CCNY: variants seen among roughly 807,000 people sequenced by gnomAD.
The protein encoded by CCNY is cyclin Y, also known as cyclin-Y.
A neutral mutation model predicts 42.8 loss-of-function variants in CCNY; 19 were observed. The observed-to-expected ratio is 0.44, with a 90% CI of 0.31 to 0.65. The LOEUF is 0.65. Among genes scored for constraint, CCNY ranks in the 30% least tolerant of loss-of-function variants. The pLI is 0.07. For missense variants in CCNY, 370 were observed against 437.3 expected (o/e 0.85, Z 1.37); for synonymous variants, 165 against 162.7 (o/e 1.01, Z -0.11).
rs138882694 is a variant in CCNY, at chr10:35,339,691, A to G, written c.154+2484A>G. On this transcript the variant is annotated intron_variant, in intron 1 of 9. Transcript: ENST00000374704. ...AGGTTAGTGTCTTTAAATCACAGAG[A>G]TATGACATATGTATCCATGCTTTCT... is the stretch of plus-strand genomic sequence containing the variant. 2.1e-4 allele frequency among the ~76,000 whole-genome samples: 32 copies of G among 152,298 alleles called. 1 individual carries two copies. The highest frequency in any genetic ancestry group is 7.5e-4 in the African/African-American group (31 of 41,572).
rs1841660903 is a variant in CCNY at position 35,570,235 on chromosome 10, A to G, written c.*1065A>G. On this transcript the variant is annotated 3_prime_UTR_variant, in exon 10 of 10. Transcript: ENST00000374704. ...TTAAAAAATCTAAAAGAAAAAGAAA[A>G]AAAACAAGGGTGGGTTGGGTATTCC... is the stretch of plus-strand genomic sequence containing the variant. 1 of 152,608 alleles carries G rather than the reference A, an allele frequency of 6.6e-6. No homozygotes were observed. The highest frequency in any genetic ancestry group is 6.5e-5 in the Admixed American group (1 of 15,290). 9.5% of individuals were successfully genotyped at this position (152,608 alleles called of 1,614,324 possible). A position where few individuals can be genotyped will look rare whatever the true frequency, so the allele number is the denominator to read the frequency against.
In CCNY at chr10:35,530,100, A is replaced by G; in HGVS notation, c.460-24A>G. 2 of 1,614,160 alleles carry G rather than the reference A, an allele frequency of 1.2e-6. No individual in the cohort carries two copies. Among genetic ancestry groups the G allele is most frequent in the Non-Finnish European group, 1.7e-6 (2 of 1,180,016 alleles). On this transcript the variant is annotated intron_variant, in intron 6 of 9. Transcript: ENST00000374704. The surrounding 1 kb of genome is among the most constrained non-coding windows in gnomAD (Gnocchi z 4.3). ...TTTTGCTCCAATCGGGAGATCAGTCATCTGAAAATATTTTCTTCCCCAGAA... is the reference window on the plus strand; with the variant it reads ...TTTTGCTCCAATCGGGAGATCAGTCGTCTGAAAATATTTTCTTCCCCAGAA...
intron 3 of CCNY, among the ~76,000 whole-genome samples, chr10:35,311,411 C>T (rs1011754252): frequency 6.7e-6 from 1 of 150,298 alleles, no homozygotes; most frequent in Non-Finnish European, 1.5e-5. Context: ...GCACAGTGGC[C>T]CATGCCTGTA....
chr10:35,480,672 G>A (rs774508891), intron 1 of CCNY, among the ~76,000 whole-genome samples: 10 of 152,166 alleles, frequency 6.6e-5, no homozygotes, highest in Non-Finnish European at 1.2e-4. Context: ...GTTAAAAAAA[G>A]CAAACCAATA....
chr10:35,453,273 A>T (rs1423024684), intron 1 of CCNY, among the ~76,000 whole-genome samples: 2 of 152,218 alleles, frequency 1.3e-5, no homozygotes, highest in Non-Finnish European at 2.9e-5. Flanking sequence ...ACTTAGCATG[A>T]TAAACAGAAG....
intron 1 of CCNY, among the ~76,000 whole-genome samples, chr10:35,370,508 G>T (rs1405366495): frequency 6.6e-6 from 1 of 151,792 alleles, no homozygotes; most frequent in Non-Finnish European, 1.5e-5. Context: ...CTGGAAACAG[G>T]CTAAGTATGA....
chr10:35,359,141 TG>T (rs1272310093), intron 1 of CCNY, among the ~76,000 whole-genome samples: 1 of 152,228 alleles, frequency 6.6e-6, no homozygotes, highest in Non-Finnish European at 1.5e-5. Flanking sequence ...GGACTTGTAG[TG>T]TGACTGATGT....
intron 3 of CCNY, among the ~76,000 whole-genome samples, chr10:35,268,371 C>T (rs7899703): frequency 0.26 from 39,607 of 152,106 alleles, 5,485 homozygotes; most frequent in East Asian, 0.35. Context: ...AAACAACATT[C>T]AATCTTAAGG....
chr10:35,521,427 G>A (rs989381282), intron 4 of CCNY, among the ~76,000 whole-genome samples: 1 of 152,164 alleles, frequency 6.6e-6, no homozygotes, highest in East Asian at 1.9e-4. Context: ...GGTAAGAGCC[G>A]GTTAACTCTG....
chr10:35,298,748 C>T (rs1835500156), intron 3 of CCNY, among the ~76,000 whole-genome samples: 1 of 152,152 alleles, frequency 6.6e-6, no homozygotes, highest in South Asian at 2.1e-4. Context: ...GTCTCAAACT[C>T]CTGGCTTCAT....
At chr10:35,322,721 A>G (rs1835834795) in intron 3 of CCNY, among the ~76,000 whole-genome samples, 1 of 152,236 alleles carries the variant, frequency 6.6e-6, no homozygotes, top group Non-Finnish European at 1.5e-5. Flanking sequence ...AGTATCCAAC[A>G]TGCACACAAA....
chr10:35,431,108 T>C (rs1450742448), intron 1 of CCNY, among the ~76,000 whole-genome samples: 2 of 147,852 alleles, frequency 1.4e-5, no homozygotes, highest in African/African-American at 2.5e-5. Context: ...AGAATGAGAC[T>C]CCATCTCAAA....
intron 1 of CCNY, among the ~76,000 whole-genome samples, chr10:35,402,712 A>G (rs1162770217): frequency 2.0e-5 from 3 of 152,158 alleles, no homozygotes; most frequent in African/African-American, 7.2e-5. Flanking sequence ...AAGAGTAAAT[A>G]TAAAAGTAAA....
intron 7 of CCNY, among the ~76,000 whole-genome samples, chr10:35,545,897 A>G (rs375240523): frequency 2.0e-5 from 3 of 152,212 alleles, no homozygotes; most frequent in African/African-American, 7.2e-5. Flanking sequence ...ACTGGCAGAA[A>G]TTTTATAAAC....
intron 3 of CCNY, among the ~76,000 whole-genome samples, chr10:35,318,283 A>C (rs1835783602): frequency 6.6e-6 from 1 of 152,168 alleles, no homozygotes. Context: ...TGTTAAGCAG[A>C]AGGGCAAGAA....
chr10:35,422,215 A>G (rs900714485), intron 1 of CCNY, among the ~76,000 whole-genome samples: 3 of 152,164 alleles, frequency 2.0e-5, no homozygotes, highest in South Asian at 2.1e-4. Context: ...TCAATAAAAC[A>G]TTATTCTATA....
intron 7 of CCNY, among the ~76,000 whole-genome samples, chr10:35,551,371 A>G (rs1417531764): frequency 6.6e-6 from 1 of 152,102 alleles, no homozygotes; most frequent in Non-Finnish European, 1.5e-5. Context: ...AATAATCTGT[A>G]TTTTATTTAT....
chr10:35,365,285 A>G (rs999856626), intron 1 of CCNY, among the ~76,000 whole-genome samples: 2 of 152,220 alleles, frequency 1.3e-5, no homozygotes, highest in African/African-American at 4.8e-5. Flanking sequence ...AAGAAGATGT[A>G]TTTATATTTA....
intron 3 of CCNY, chr10:35,314,446 C>A (rs1320228794): frequency 1.3e-5 from 2 of 151,950 alleles, no homozygotes; most frequent in African/African-American, 4.8e-5. Flanking sequence ...CCCCATGATT[C>A]AATTATCTCC....
Sources: gnomAD v4.1 joint callset for allele counts (sites outside exome capture counted in the v4.1 genomes callset) on GRCh38, gnomAD v4.1.1 for gene constraint, Gnocchi (gnomAD v3.1) non-coding constraint, MANE v1.5 for transcripts, NCBI Gene and HGNC (gene_info 2026-07-23, HGNC 2026-07-21) for gene names.